Variants in EYS observed in about 807,000 individuals in gnomAD.
EYS encodes the protein protein eyes shut homolog.
In EYS, 250 loss-of-function variants were observed where a neutral mutation model predicts 282.1. The ratio of observed to expected loss-of-function variants is 0.89; its 90% CI spans 0.80 to 0.98. The LOEUF (loss-of-function observed/expected upper bound fraction) is 0.98. Among genes scored for constraint, EYS ranks in the 50% least tolerant of loss-of-function variants. The probability of loss-of-function intolerance (pLI) is 0.00; values close to 1 mark genes in which losing one functional copy is unlikely to be tolerated. For missense variants in EYS, 4,016 were observed against 3,709.0 expected (o/e 1.08, Z -2.15); for synonymous variants, 1,355 against 1,282.9 (o/e 1.06, Z -1.20).
At chr6:64,886,218 T>A (rs1042661453) in intron 19 of EYS, among the ~76,000 whole-genome samples, 2 of 151,938 alleles carry the variant, frequency 1.3e-5, no homozygotes, top group Non-Finnish European at 2.9e-5. Context: ...GACTTTTGCC[T>A]TTATGTTTGG....
At chr6:64,063,078 T>C (rs1230921633) in intron 33 of EYS, among the ~76,000 whole-genome samples, 1 of 152,184 alleles carries the variant, frequency 6.6e-6, no homozygotes, top group Non-Finnish European at 1.5e-5. Context: ...TCAGACTCTT[T>C]TATGATTTCA....
At position 63,933,408 on chromosome 6, in the gene EYS, T is replaced by C. The variant is rs1038357586; in HGVS notation, c.7055+50975A>G. 5.9e-5 allele frequency among the ~76,000 whole-genome samples: 9 copies of C among 152,112 alleles called. No individual in the cohort carries two copies. In the East Asian group the frequency reaches 1.7e-3, roughly 29 times the overall value. Reference sequence around the variant, plus strand: ...TTTTAGTAGAGATGGGGTTTCACCATGTTGGCCAGGATGGTCTCAAACTCC... The same window carrying C: ...TTTTAGTAGAGATGGGGTTTCACCACGTTGGCCAGGATGGTCTCAAACTCC... On this transcript the variant is annotated intron_variant, in intron 35 of 42. Transcript: ENST00000503581.
intron 2 of EYS, among the ~76,000 whole-genome samples, chr6:65,586,423 G>C (rs1385195194): frequency 6.6e-6 from 1 of 152,034 alleles, no homozygotes; most frequent in Non-Finnish European, 1.5e-5. Context: ...AGATGCTGGA[G>C]ATTAAGGGTA....
chr6:65,329,959 A>G (rs575122968), intron 11 of EYS: 399 of 976,944 alleles, frequency 4.1e-4, no homozygotes, highest in Non-Finnish European at 3.8e-4. Context: ...TATATTTAAC[A>G]TTACACAGAA....
Position 64,937,211 on chromosome 6 carries a change from G to T in EYS, c.2381+8582C>A, listed in dbSNP as rs575667879. ...TATAAAGTTTATAGAAGAAAATACA[G>T]AAATAAAATTATTGTAATCTTCAGT... On this transcript the variant is annotated intron_variant, in intron 15 of 42. Transcript: ENST00000503581. Among the ~76,000 whole-genome samples the T allele has an allele frequency of 2.0e-5, 3 of 151,264 alleles. No individual in the cohort carries two copies. In the South Asian group the frequency reaches 6.2e-4, roughly 31 times the overall value.
intron 16 of EYS, among the ~76,000 whole-genome samples, chr6:64,907,696 C>T (rs2150074309): frequency 6.6e-6 from 1 of 152,186 alleles, no homozygotes; most frequent in South Asian, 2.1e-4. Flanking sequence ...AAGAGAAGGC[C>T]TCTTCTCTCA....
intron 12 of EYS, among the ~76,000 whole-genome samples, chr6:65,222,047 G>T (rs556661082): frequency 1.4e-4 from 22 of 152,264 alleles, no homozygotes; most frequent in African/African-American, 5.3e-4. Flanking sequence ...TTATACCTAG[G>T]AAGTAACTAA....
At chr6:64,659,019 A>G (rs189789963) in intron 22 of EYS, among the ~76,000 whole-genome samples, 91 of 152,362 alleles carry the variant, frequency 6.0e-4, no homozygotes, top group Admixed American at 4.1e-3. Flanking sequence ...GCAAAAGAAC[A>G]GAAATTATAA....
In EYS at chr6:63,735,671, A is replaced by T. The variant is rs142674723; in HGVS notation, c.8072-8991T>A. 7.9e-5 allele frequency among the ~76,000 whole-genome samples: 12 copies of T among 152,244 alleles called. 1 individual carries two copies. The East Asian group carries it at 2.3e-3, about 29-fold the overall frequency. ...ACCTCCAAATCAGGAGTCAACATTGATACAACACTACAATCCAACAATCCA... is the reference window on the plus strand; with the variant it reads ...ACCTCCAAATCAGGAGTCAACATTGTTACAACACTACAATCCAACAATCCA... On this transcript the variant is annotated intron_variant, in intron 41 of 42. Transcript: ENST00000503581.
intron 8 of EYS, among the ~76,000 whole-genome samples, chr6:65,370,310 C>A (rs1765093740): frequency 1.4e-5 from 2 of 138,432 alleles, no homozygotes; most frequent in Non-Finnish European, 3.0e-5. Context: ...GGATGAAGTG[C>A]AGTAGCACAA....
chr6:64,607,616 G>T (rs192217935), intron 24 of EYS, among the ~76,000 whole-genome samples: 3 of 152,172 alleles, frequency 2.0e-5, no homozygotes, highest in Admixed American at 6.6e-5. Flanking sequence ...TTAGGGGTTA[G>T]AACTTCAACA....
intron 35 of EYS, among the ~76,000 whole-genome samples, chr6:63,866,057 T>C (rs1241481144): frequency 6.6e-6 from 1 of 152,212 alleles, no homozygotes; most frequent in African/African-American, 2.4e-5. Flanking sequence ...TTTTCAGAAT[T>C]GGGAAAAAAT....
chr6:64,573,880 G>A (rs1185930110), intron 26 of EYS, among the ~76,000 whole-genome samples: 1 of 152,128 alleles, frequency 6.6e-6, no homozygotes, highest in Non-Finnish European at 1.5e-5. Flanking sequence ...ATTCCTCAAG[G>A]ATCTAGAACC....
Position 65,410,633 on chromosome 6 carries a change from G to A in EYS, c.863-5266C>T, listed in dbSNP as rs74403490. On this transcript the variant is annotated intron_variant, in intron 5 of 42. Transcript: ENST00000503581. The stretch of plus-strand genomic sequence containing the variant: ...TTTTTTTTAGATTTCACTTATGAGT[G>A]AGATCATGAAGTTTTTGCAGTTTTT... Among the ~76,000 whole-genome samples the A allele has an allele frequency of 9.0e-3, 1,306 of 144,622 alleles. 18 individuals are homozygous for A. The highest frequency in any genetic ancestry group is 0.031 in the African/African-American group (1,227 of 39,368). 94.9% of individuals were successfully genotyped at this position (144,622 alleles called of 152,430 possible).
At chr6:65,375,863 G>C (rs916088655) in intron 8 of EYS, among the ~76,000 whole-genome samples, 2 of 152,026 alleles carry the variant, frequency 1.3e-5, no homozygotes, top group African/African-American at 4.8e-5. Context: ...AAGCCTCAAA[G>C]AAATATGGGA....
intron 1 of EYS, among the ~76,000 whole-genome samples, chr6:65,685,986 C>G (rs562318899): frequency 6.6e-6 from 1 of 152,084 alleles, no homozygotes; most frequent in African/African-American, 2.4e-5. Context: ...CTTATTCCCC[C>G]ATCTACTGGA....
Position 64,774,279 on chromosome 6 carries a change from C to T in EYS, c.3443+39099G>A, listed in dbSNP as rs190259765. Among the ~76,000 whole-genome samples, 275 of 151,904 alleles carry T rather than the reference C, an allele frequency of 1.8e-3. 1 individual carries two copies. The highest frequency in any genetic ancestry group is 6.5e-3 in the African/African-American group (271 of 41,476). Reference sequence around the variant, plus strand: ...TCTCCTCTTATCTTTCCTTATAATCCCTCTTCTTTTACGGAATAAGGAAGG... The same window carrying T: ...TCTCCTCTTATCTTTCCTTATAATCTCTCTTCTTTTACGGAATAAGGAAGG... On this transcript the variant is annotated intron_variant, in intron 22 of 42. Coordinates refer to ENST00000503581, the MANE Select transcript of EYS (RefSeq NM_001142800.2).
In EYS at chr6:65,428,404, T is replaced by C. The variant is rs1315206569; in HGVS notation, c.863-23037A>G. 2.0e-5 allele frequency among the ~76,000 whole-genome samples: 3 copies of C among 152,176 alleles called. 1 individual carries two copies. The highest frequency in any genetic ancestry group is 1.5e-5 in the Non-Finnish European group (1 of 68,016). On this transcript the variant is annotated intron_variant, in intron 5 of 42. Coordinates refer to ENST00000503581, the MANE Select transcript of EYS (RefSeq NM_001142800.2). Reference sequence around the variant, plus strand: ...TCATAATAATTACATCAAACACTTGTATTGCGCTAATTATGTGCCAATCAT... The same window carrying C: ...TCATAATAATTACATCAAACACTTGCATTGCGCTAATTATGTGCCAATCAT...
intron 32 of EYS, among the ~76,000 whole-genome samples, chr6:64,069,363 A>C (rs571750360): frequency 1.3e-5 from 2 of 151,954 alleles, no homozygotes; most frequent in Non-Finnish European, 2.9e-5. Flanking sequence ...TTTGTGGAAT[A>C]TATATATATT....
Sources: gnomAD v4.1 joint callset for allele counts (sites outside exome capture counted in the v4.1 genomes callset) on GRCh38, gnomAD v4.1.1 for gene constraint, MANE v1.5 for transcripts, NCBI Gene and HGNC (gene_info 2026-07-23, HGNC 2026-07-21) for gene names.